The following CPLX1 variants were observed in gnomAD, a reference collection of about 807,000 sequenced individuals.
The protein encoded by CPLX1 is complexin-1.
A neutral mutation model predicts 15.6 loss-of-function variants in CPLX1; 6 were observed. The ratio of observed to expected loss-of-function variants is 0.39; its 90% confidence interval spans 0.21 to 0.76. The LOEUF (loss-of-function observed/expected upper bound fraction) is 0.76. CPLX1 is among the 30% of genes least tolerant of loss of function. The pLI, the probability that CPLX1 is intolerant of heterozygous loss-of-function variation, is 0.43. For missense variants in CPLX1, 242 were observed against 188.6 expected (o/e 1.28, Z -1.66); for synonymous variants, 91 against 75.2 (o/e 1.21, Z -1.08).
At chr4:791,751 C>T (rs1317050393) in intron 3 of CPLX1, among the ~76,000 whole-genome samples, 1 of 152,186 alleles carries the variant, frequency 6.6e-6, no homozygotes. Context: ...ACGGGGTGAG[C>T]ACTGCGCCCC....
chr4:799,507 A>C (rs116616956), intron 2 of CPLX1, among the ~76,000 whole-genome samples: 1 of 152,052 alleles, frequency 6.6e-6, no homozygotes, highest in Non-Finnish European at 1.5e-5. Context: ...GGAAGCTCCT[A>C]TCCTTGGGAC....
At chr4:815,874 G>A (rs1036016578) in intron 2 of CPLX1, among the ~76,000 whole-genome samples, 6 of 152,158 alleles carry the variant, frequency 3.9e-5, no homozygotes, top group African/African-American at 1.4e-4. Flanking sequence ...TCTGTAACTT[G>A]GACTTAGGTC....
At chr4:795,428 C>A (rs1044860527) in intron 2 of CPLX1, among the ~76,000 whole-genome samples, 1 of 152,222 alleles carries the variant, frequency 6.6e-6, no homozygotes, top group Non-Finnish European at 1.5e-5. Flanking sequence ...CTGCGACCCA[C>A]CCCCGCCCCC....
intron 3 of CPLX1, among the ~76,000 whole-genome samples, chr4:791,419 G>A (rs375233018): frequency 6.6e-6 from 1 of 152,134 alleles, no homozygotes; most frequent in South Asian, 2.1e-4. Context: ...TGGCCTTTTG[G>A]GTACAGCGGC....
intron 2 of CPLX1, among the ~76,000 whole-genome samples, chr4:799,018 T>C (rs1023357129): frequency 6.6e-6 from 1 of 152,276 alleles, no homozygotes; most frequent in African/African-American, 2.4e-5. Flanking sequence ...TATGTTTTCA[T>C]CTATGGCTCC....
chr4:821,161 G>GC (rs1375671737), intron 2 of CPLX1, among the ~76,000 whole-genome samples: 1 of 152,180 alleles, frequency 6.6e-6, no homozygotes. Flanking sequence ...CCAGGCTGTC[G>GC]CCCCCCAGGT....
intron 2 of CPLX1, among the ~76,000 whole-genome samples, chr4:798,117 A>T (rs1200964465): frequency 6.6e-6 from 1 of 151,984 alleles, no homozygotes; most frequent in Non-Finnish European, 1.5e-5. Flanking sequence ...TCTACTAAAA[A>T]TGCAAAAATT....
rs142862734 is a variant in CPLX1, at chr4:799,451, C to G, written c.32-6843G>C. 2.6e-5 allele frequency among the ~76,000 whole-genome samples: 4 copies of G among 152,292 alleles called. No individual in the cohort carries two copies. The East Asian group carries it at 7.7e-4, about 29-fold the overall frequency. ...CCAGGAGGGTAGCACCCCAGCTCCA[C>G]GGGGTGGAAGCTCCTCAGAAGGGTG... is the stretch of plus-strand genomic sequence containing the variant. On this transcript the variant is annotated intron_variant, in intron 2 of 3. Transcript: ENST00000304062.
At chr4:817,512 G>T (rs1241832067) in intron 2 of CPLX1, among the ~76,000 whole-genome samples, 1 of 151,840 alleles carries the variant, frequency 6.6e-6, no homozygotes, top group African/African-American at 2.4e-5. Flanking sequence ...AGCTGAGATT[G>T]CGCCACTGCA....
At chr4:801,084 G>A (rs28707627) in intron 2 of CPLX1, among the ~76,000 whole-genome samples, 9,608 of 151,712 alleles carry the variant, frequency 0.063, 988 homozygotes, top group African/African-American at 0.22. Flanking sequence ...GGAAGTCGAG[G>A]CGGGCAGATC....
In CPLX1 at chr4:786,323, G is replaced by A. The variant is rs75562774; in HGVS notation, c.*178C>T. On this transcript the variant is annotated 3_prime_UTR_variant, in exon 4 of 4. Transcript: ENST00000304062. ...GAGGAGCACGGGGCGGACTGGGGGG[G>A]TCCTGGGGGCGCGCGCCCCTTGCCG... 3 of 544,402 alleles carry A rather than the reference G, an allele frequency of 5.5e-6. No homozygotes were observed. The highest frequency in any genetic ancestry group is 9.1e-6 in the Non-Finnish European group (3 of 328,374). The allele number at this position is 544,402 out of a possible 1,614,324, so 33.7% of individuals were successfully genotyped here. A position where few individuals can be genotyped will look rare whatever the true frequency, so the allele number is the denominator to read the frequency against.
At chr4:822,877 G>A (rs970804081) in intron 2 of CPLX1, among the ~76,000 whole-genome samples, 1 of 151,816 alleles carries the variant, frequency 6.6e-6, no homozygotes, top group Non-Finnish European at 1.5e-5. Flanking sequence ...GAGCCTCAAC[G>A]TGCTCTGCAA....
chr4:822,978 C>T (rs138279884), intron 2 of CPLX1, among the ~76,000 whole-genome samples: 45 of 152,306 alleles, frequency 3.0e-4, no homozygotes, highest in Middle Eastern at 6.8e-3. Flanking sequence ...CGCTGAGCGA[C>T]GCCTGCCCGG....
chr4:824,346 C>A, intron 2 of CPLX1, 146 bp downstream of exon 2: 1 of 744,536 alleles, frequency 1.3e-6, no homozygotes, highest in East Asian at 2.6e-5. Flanking sequence ...GGTCCTTGCT[C>A]CTCTGCCCCA....
At chr4:787,207 C>G (rs931543679) in intron 3 of CPLX1, 1 of 985,260 alleles carries the variant, frequency 1.0e-6, no homozygotes, top group Non-Finnish European at 1.2e-6. Context: ...CACTCCCTGG[C>G]AGGCCGCTGC....
intron 2 of CPLX1, among the ~76,000 whole-genome samples, chr4:801,116 T>G (rs1746448028): frequency 6.7e-6 from 1 of 150,086 alleles, no homozygotes; most frequent in Non-Finnish European, 1.5e-5. Context: ...AGATTGAGAA[T>G]AGCCTGGCTA....
intron 2 of CPLX1, among the ~76,000 whole-genome samples, chr4:800,993 G>A: frequency 6.6e-6 from 1 of 151,188 alleles, no homozygotes; most frequent in Non-Finnish European, 1.5e-5. Flanking sequence ...CTCTAGCCTG[G>A]GCGACAAGGC....
At chr4:788,398 C>T (rs1425313891) in intron 3 of CPLX1, 2 of 985,234 alleles carry the variant, frequency 2.0e-6, no homozygotes, top group Non-Finnish European at 2.4e-6. Flanking sequence ...TTCCCAGCCG[C>T]CTGTGGCCAG....
At chr4:807,930 T>C (rs1746588863) in intron 2 of CPLX1, among the ~76,000 whole-genome samples, 1 of 152,236 alleles carries the variant, frequency 6.6e-6, no homozygotes, top group African/African-American at 2.4e-5. Context: ...TAAGGCTGCA[T>C]GCTTTGGCTC....
Sources: allele counts gnomAD v4.1 joint callset (sites outside exome capture counted in the v4.1 genomes callset), GRCh38; gene constraint gnomAD v4.1.1; transcripts MANE v1.5; gene names NCBI Gene and HGNC (gene_info 2026-07-23, HGNC 2026-07-21).